DCTN4: variants seen among roughly 807,000 people sequenced by gnomAD.
DCTN4 encodes the protein dynactin subunit 4, also known as dynactin 4 (p62).
A neutral mutation model predicts 62.7 loss-of-function variants in DCTN4; 23 were observed. The ratio of observed to expected loss-of-function variants is 0.37; its 90% CI spans 0.26 to 0.52. The LOEUF is 0.52. DCTN4 is among the 20% of genes least tolerant of loss of function. The probability of loss-of-function intolerance (pLI) is 0.92; values close to 1 mark genes in which losing one functional copy is unlikely to be tolerated. For missense variants in DCTN4, 514 were observed against 580.4 expected, an observed-to-expected ratio of 0.89 and a Z score of 1.18; for synonymous variants, 199 against 202.1, an observed-to-expected ratio of 0.98 and a Z score of 0.13.
At position 150,730,542 on chromosome 5, in the gene DCTN4, C is replaced by T. The variant is rs140221335; in HGVS notation, c.834+89G>A. 917 of 1,150,606 alleles carry T rather than the reference C, an allele frequency of 8.0e-4. 3 individuals are homozygous for T. In the African/African-American group the frequency reaches 0.011, roughly 13 times the overall value. 71.3% of individuals were successfully genotyped at this position (1,150,606 alleles called of 1,614,324 possible). A position where few individuals can be genotyped will look rare whatever the true frequency, so the allele number is the denominator to read the frequency against. ...AGTATTTTCTGTATTTAATACATTC[C>T]AAAGGTTTTGACATTAGTCAGACAC... On this transcript the variant is annotated intron_variant, in intron 8 of 12. Coordinates refer to ENST00000447998, the MANE Select transcript of DCTN4 (RefSeq NM_016221.4).
chr5:150,733,390 T>C lies in DCTN4; in HGVS notation c.515A>G (p.Asn172Ser), dbSNP rs1760457590. 2 of 1,613,948 alleles carry C rather than the reference T, an allele frequency of 1.2e-6. No homozygotes were observed. Among genetic ancestry groups the C allele is most frequent in the Non-Finnish European group, 1.7e-6 (2 of 1,179,884 alleles). ...RDRKKLARRR[N>S]YMPLAFSDKY... is the part of the protein sequence containing the mutation. ...CACCGAAAAAGCCAGAGGCATATAG[T>C]TTCTACGTCGTGCCAGTTTCTTGCG... The change falls in exon 5 of 13, where the codon AAC (asparagine) becomes AGC (serine). Residue 172 changes from asparagine (N) to serine (S), a missense_variant. Transcript: ENST00000447998.
chr5:150,727,244 A>G (rs902024682), intron 8 of DCTN4, among the ~76,000 whole-genome samples: 1 of 152,196 alleles, frequency 6.6e-6, no homozygotes, highest in Non-Finnish European at 1.5e-5. Flanking sequence ...CTGCTAAATA[A>G]TAGCTTTCAT....
At chr5:150,754,156 G>A (rs895056729) in intron 2 of DCTN4, among the ~76,000 whole-genome samples, 2 of 152,210 alleles carry the variant, frequency 1.3e-5, no homozygotes, top group Admixed American at 6.5e-5. Flanking sequence ...AGGGCTTTCT[G>A]TTCTCTCCTT....
At chr5:150,718,450 C>G (rs1327502544) in intron 10 of DCTN4, 67 bp from the exon 11 acceptor site, 1 of 1,036,370 alleles carries the variant, frequency 9.6e-7, no homozygotes, top group African/African-American at 1.6e-5. Context: ...GAATATTTCG[C>G]AAAATTACCA....
intron 3 of DCTN4, among the ~76,000 whole-genome samples, chr5:150,747,904 C>T (rs1490854376): frequency 7.0e-6 from 1 of 143,310 alleles, no homozygotes; most frequent in African/African-American, 2.7e-5. Context: ...TCTAAAACAC[C>T]AAAAGCAATG....
At position 150,731,449 on chromosome 5, in the gene DCTN4, G is replaced by A; in HGVS notation, c.578C>T (p.Ala193Val). 1 of 1,613,896 alleles carries A rather than the reference G, an allele frequency of 6.2e-7. No individual in the cohort carries two copies. The highest frequency in any genetic ancestry group is 8.5e-7 in the Non-Finnish European group (1 of 1,180,016). Residue 193 changes from alanine (A) to valine (V), a missense_variant, in exon 6 of 13, where the codon GCT becomes GTT. Coordinates refer to ENST00000447998, the MANE Select transcript of DCTN4 (RefSeq NM_016221.4). ...GLGTRLQRPR[A>V]GASISTLAGL... is the part of the protein sequence containing the mutation. ...GGCAAGGGTACTGATGGATGCACCA[G>A]CTCGTGGTCGCTGAAGCCTGGTTCC...
chr5:150,729,633 AG>A (rs1760285717), intron 8 of DCTN4, among the ~76,000 whole-genome samples: 1 of 150,142 alleles, frequency 6.7e-6, no homozygotes, highest in Non-Finnish European at 1.5e-5. Flanking sequence ...TTTAAGAGAC[AG>A]GGTCTTTCTG....
chr5:150,755,448 G>C, intron 2 of DCTN4: 1 of 448,694 alleles, frequency 2.2e-6, no homozygotes, highest in Non-Finnish European at 4.5e-6. Context: ...ACTAGCTCAA[G>C]CCAGATAATC....
intron 8 of DCTN4, among the ~76,000 whole-genome samples, chr5:150,723,788 G>A (rs1306383957): frequency 1.3e-5 from 2 of 152,116 alleles, no homozygotes; most frequent in Non-Finnish European, 2.9e-5. Context: ...AAAAGTACAA[G>A]CATACATCAC....
chr5:150,730,515 C>T (rs1760318499), intron 8 of DCTN4, 116 bp downstream of exon 8: 2 of 880,516 alleles, frequency 2.3e-6, no homozygotes, highest in Non-Finnish European at 1.8e-6. Flanking sequence ...ATGTTCTCTA[C>T]AAGTATTTTC....
chr5:150,711,007 T>C lies in DCTN4; in HGVS notation c.*142A>G. The stretch of plus-strand genomic sequence containing the variant: ...CCCTGTGTTCCCAATGCCTTGCCTA[T>C]GCTCCCACTTTCTTAGCAATAGAAT... On this transcript the variant is annotated 3_prime_UTR_variant, in exon 13 of 13. Coordinates refer to ENST00000447998, the MANE Select transcript of DCTN4 (RefSeq NM_016221.4). The C allele has an allele frequency of 1.2e-6, 1 of 817,936 alleles. No homozygotes were observed. The highest frequency in any genetic ancestry group is 2.7e-5 in the East Asian group (1 of 37,342). 50.7% of individuals were successfully genotyped at this position (817,936 alleles called of 1,614,324 possible).
intron 1 of DCTN4, chr5:150,758,601 A>G: frequency 8.2e-7 from 1 of 1,222,192 alleles, no homozygotes; most frequent in Non-Finnish European, 1.0e-6. Flanking sequence ...CCCATCGCAG[A>G]CAGACACGGT....
chr5:150,755,218 ATAAG>A (rs1205231681), intron 2 of DCTN4, among the ~76,000 whole-genome samples: 3 of 152,338 alleles, frequency 2.0e-5, no homozygotes, highest in South Asian at 2.1e-4. Flanking sequence ...CCACTGTCCT[ATAAG>A]TAAGTGATTT....
intron 3 of DCTN4, among the ~76,000 whole-genome samples, chr5:150,744,853 C>T (rs1760903210): frequency 6.6e-6 from 1 of 151,942 alleles, no homozygotes. Context: ...AATGTAAAGA[C>T]CATCGAGACT....
At position 150,733,492 on chromosome 5, in the gene DCTN4, G is replaced by T; in HGVS notation, c.430-17C>A. The T allele has an allele frequency of 6.3e-7, 1 of 1,581,816 alleles. No homozygotes were observed. Among genetic ancestry groups the T allele is most frequent in the Non-Finnish European group, 8.7e-7 (1 of 1,152,090 alleles). ...TTTGTTCATCTGTAAGAAAATCACA[G>T]ACTCAGTACACAAAAAAGCTAACAG... is the stretch of plus-strand genomic sequence containing the variant. On this transcript the variant is annotated splice_polypyrimidine_tract_variant and intron_variant, in intron 4 of 12. Coordinates refer to ENST00000447998, the MANE Select transcript of DCTN4 (RefSeq NM_016221.4).
intron 5 of DCTN4, 96 bp from the exon 6 acceptor site, chr5:150,731,585 A>G (rs1760372507): frequency 2.1e-6 from 2 of 935,438 alleles, no homozygotes; most frequent in African/African-American, 1.7e-5. Flanking sequence ...TGAGAAGCTC[A>G]GGGAAATAAG....
intron 12 of DCTN4, among the ~76,000 whole-genome samples, chr5:150,714,633 C>A (rs1408305751): frequency 6.6e-6 from 1 of 152,142 alleles, no homozygotes; most frequent in African/African-American, 2.4e-5. Flanking sequence ...CCTCAGCCTC[C>A]CAAAGTGTTG....
intron 12 of DCTN4, among the ~76,000 whole-genome samples, chr5:150,714,887 C>T (rs1346619499): frequency 6.6e-6 from 1 of 152,158 alleles, no homozygotes; most frequent in Non-Finnish European, 1.5e-5. Context: ...TCCCTTTGTT[C>T]CCTCCACCTA....
chr5:150,749,851 G>C (rs1752610195), intron 3 of DCTN4, among the ~76,000 whole-genome samples: 1 of 152,100 alleles, frequency 6.6e-6, no homozygotes, highest in Admixed American at 6.6e-5. Flanking sequence ...AAATGTTCAA[G>C]TGGAGAATGA....
Sources: allele counts gnomAD v4.1 joint callset (sites outside exome capture counted in the v4.1 genomes callset), GRCh38; gene constraint gnomAD v4.1.1; transcripts MANE v1.5; gene names NCBI Gene and HGNC (gene_info 2026-07-23, HGNC 2026-07-21).